The following TAF4 variants were observed in gnomAD, a reference collection of about 807,000 sequenced individuals.
TAF4 encodes transcription initiation factor TFIID subunit 4.
A neutral mutation model predicts 90.3 loss-of-function variants in TAF4; 9 were observed. That is an observed-to-expected ratio of 0.10 (90% CI 0.06 to 0.17). The LOEUF is 0.17. Ranked by LOEUF, TAF4 falls within the 10% of genes least tolerant of loss-of-function variation. The probability of loss-of-function intolerance (pLI) is 1.00; values close to 1 mark genes in which losing one functional copy is unlikely to be tolerated. For missense variants in TAF4, 1,351 were observed against 1,370.7 expected (o/e 0.99, Z 0.23); for synonymous variants, 818 against 638.9 (o/e 1.28, Z -4.23).
chr20:62,002,568 G>A (rs1407675312), intron 9 of TAF4, among the ~76,000 whole-genome samples: 3 of 152,202 alleles, frequency 2.0e-5, no homozygotes, highest in African/African-American at 4.8e-5. Flanking sequence ...ATAGCTCACT[G>A]TAACACTGAA....
At chr20:61,993,697 C>G (rs1172212091) in intron 14 of TAF4, among the ~76,000 whole-genome samples, 1 of 151,994 alleles carries the variant, frequency 6.6e-6, no homozygotes, top group Non-Finnish European at 1.5e-5. Flanking sequence ...TGTGGTGGGG[C>G]ACATAAAAGG....
chr20:61,991,188 A>T (rs185594010), intron 14 of TAF4, among the ~76,000 whole-genome samples: 193 of 152,196 alleles, frequency 1.3e-3, no homozygotes, highest in Middle Eastern at 3.4e-3. Flanking sequence ...GGAGGCTGAG[A>T]CGGGCAAATC....
chr20:62,038,173 G>A (rs186888025), intron 1 of TAF4, among the ~76,000 whole-genome samples: 8 of 152,162 alleles, frequency 5.3e-5, no homozygotes, highest in Admixed American at 1.3e-4. Context: ...GACTACAGGA[G>A]CCCACCACTA....
chr20:62,023,767 A>AAAAG (rs1187960414), intron 1 of TAF4, among the ~76,000 whole-genome samples: 39 of 117,106 alleles, frequency 3.3e-4, no homozygotes, highest in African/African-American at 1.2e-3. Flanking sequence ...AAAAAAAAAA[A>AAAAG]AAAGAAAGAA....
chr20:62,018,502 G>A (rs1468365839), intron 1 of TAF4, among the ~76,000 whole-genome samples: 10 of 152,234 alleles, frequency 6.6e-5, no homozygotes, highest in African/African-American at 2.4e-4. Flanking sequence ...AAAGGCAGCC[G>A]CCCCTCCTGC....
chr20:61,985,468 G>C (rs531754957), intron 14 of TAF4, among the ~76,000 whole-genome samples: 5 of 151,884 alleles, frequency 3.3e-5, no homozygotes, highest in Admixed American at 1.3e-4. Context: ...GGATAAACAA[G>C]AACAATACTC....
At chr20:62,030,576 G>A (rs1349924021) in intron 1 of TAF4, among the ~76,000 whole-genome samples, 1 of 152,208 alleles carries the variant, frequency 6.6e-6, no homozygotes, top group Non-Finnish European at 1.5e-5. Flanking sequence ...TGAAGCCAGA[G>A]GACGCACTCG....
At chr20:61,997,797 T>C in intron 13 of TAF4, 128 bp from the exon 14 acceptor site, 1 of 1,240,560 alleles carries the variant, frequency 8.1e-7, no homozygotes, top group South Asian at 1.8e-5. Flanking sequence ...ATGTTTTGAC[T>C]TTCTCAATAG....
Position 62,065,694 on chromosome 20 carries a change from G to A in TAF4, c.117C>T (p.His39=), listed in dbSNP as rs1251686925. 3.6e-5 allele frequency: 45 copies of A among 1,257,472 alleles called. No individual in the cohort carries two copies. The highest frequency in any genetic ancestry group is 4.4e-5 in the Non-Finnish European group (43 of 981,034). The allele number at this position is 1,257,472 out of a possible 1,614,324, so 77.9% of individuals were successfully genotyped here. ...LESQLAASAA[H]HHHLAPRTPE... Reference sequence around the variant, plus strand: ...GCGTGCGCGGCGCGAGGTGGTGGTGGTGGGCCGCGCTGGCCGCCAGCTGCG... The same window carrying A: ...GCGTGCGCGGCGCGAGGTGGTGGTGATGGGCCGCGCTGGCCGCCAGCTGCG... Residue 39 remains histidine (H), a synonymous_variant, in exon 1 of 15, where the codon CAC becomes CAT. Coordinates refer to ENST00000252996, the MANE Select transcript of TAF4 (RefSeq NM_003185.4).
chr20:62,059,250 C>G (rs936839823), intron 1 of TAF4, among the ~76,000 whole-genome samples: 1 of 152,222 alleles, frequency 6.6e-6, no homozygotes, highest in Non-Finnish European at 1.5e-5. Flanking sequence ...CAACAGCGGA[C>G]ACCAGGTACT....
At chr20:61,984,931 G>A (rs116446019) in intron 14 of TAF4, among the ~76,000 whole-genome samples, 2 of 9,416 alleles carry the variant, frequency 2.1e-4, no homozygotes, top group South Asian at 6.0e-3. Flanking sequence ...CGAGCAAGGT[G>A]GGAGGAGGGC....
In TAF4 at chr20:62,049,423, G is replaced by A. The variant is rs555982335; in HGVS notation, c.1360+15028C>T. Among the ~76,000 whole-genome samples, 20 of 152,222 alleles carry A rather than the reference G, an allele frequency of 1.3e-4. No homozygotes were observed. In the South Asian group the frequency reaches 3.3e-3, roughly 25 times the overall value. On this transcript the variant is annotated intron_variant, in intron 1 of 14. Coordinates refer to ENST00000252996, the MANE Select transcript of TAF4 (RefSeq NM_003185.4). ...CTGCGTCCCCTGCTCAGTGACCACC[G>A]CCCTCTTTCTGATTCTGTCTCCAGT... is the stretch of plus-strand genomic sequence containing the variant.
chr20:62,004,296 T>C (rs916782093), intron 7 of TAF4, among the ~76,000 whole-genome samples: 2 of 151,612 alleles, frequency 1.3e-5, no homozygotes, highest in African/African-American at 4.8e-5. Context: ...AGTGGTTCTA[T>C]CTCATCTGAA....
At chr20:62,001,164 G>C (rs750433336) in intron 9 of TAF4, among the ~76,000 whole-genome samples, 2 of 152,164 alleles carry the variant, frequency 1.3e-5, no homozygotes, top group African/African-American at 2.4e-5. Flanking sequence ...TCCTCCACCC[G>C]GAACATTCTG....
At chr20:62,029,704 G>A (rs1568936751) in intron 1 of TAF4, among the ~76,000 whole-genome samples, 1 of 152,084 alleles carries the variant, frequency 6.6e-6, no homozygotes, top group Non-Finnish European at 1.5e-5. Flanking sequence ...TCAGGAGATC[G>A]AGACCAGCCT....
intron 1 of TAF4, among the ~76,000 whole-genome samples, chr20:62,043,854 T>C (rs547664033): frequency 1.7e-4 from 26 of 152,192 alleles, no homozygotes; most frequent in Non-Finnish European, 7.3e-5. Context: ...TTCTAGAATG[T>C]ATCCCCATCA....
At position 62,000,537 on chromosome 20, in the gene TAF4, T is replaced by C. The variant is rs1293114280; in HGVS notation, c.2656+15A>G. ...AGCTGTTTAATAAGAACTCAGTCAT[T>C]AAACACCAACGTACCTATTTCTAAT... On this transcript the variant is annotated intron_variant, in intron 10 of 14. Transcript: ENST00000252996. The C allele has an allele frequency of 2.5e-6, 4 of 1,607,636 alleles. No individual in the cohort carries two copies. The highest frequency in any genetic ancestry group is 2.7e-5 in the African/African-American group (2 of 74,712).
At chr20:62,041,473 C>T (rs1054420844) in intron 1 of TAF4, among the ~76,000 whole-genome samples, 3 of 151,892 alleles carry the variant, frequency 2.0e-5, no homozygotes. Context: ...ACTAAAAATA[C>T]AAAAAATCAG....
chr20:61,985,924 G>C lies in TAF4; in HGVS notation c.3091-9589C>G, dbSNP rs78454846. ...GAACCACCATCCCCGACCAAAGGAA[G>C]CACCATCCCCGACCAAAGGAACCAC... is the stretch of plus-strand genomic sequence containing the variant. On this transcript the variant is annotated intron_variant, in intron 14 of 14. Coordinates refer to ENST00000252996, the MANE Select transcript of TAF4 (RefSeq NM_003185.4). Among the ~76,000 whole-genome samples the C allele has an allele frequency of 2.5e-3, 282 of 113,536 alleles. 1 individual carries two copies. The highest frequency in any genetic ancestry group is 7.5e-3 in the African/African-American group (213 of 28,490). 74.5% of individuals were successfully genotyped at this position (113,536 alleles called of 152,430 possible).
Sources: allele counts gnomAD v4.1 joint callset (sites outside exome capture counted in the v4.1 genomes callset), GRCh38; gene constraint gnomAD v4.1.1; transcripts MANE v1.5; gene names NCBI Gene and HGNC (gene_info 2026-07-23, HGNC 2026-07-21).